Variants in STXBP6 observed in about 807,000 individuals in gnomAD.
STXBP6 encodes the protein syntaxin-binding protein 6.
A neutral mutation model predicts 26.9 loss-of-function variants in STXBP6; 21 were observed. The ratio of observed to expected loss-of-function variants is 0.78; its 90% confidence interval spans 0.55 to 1.12. The LOEUF is 1.12. STXBP6 is among the 50% of genes most tolerant of loss of function. STXBP6 has a pLI of 0.00. For missense variants in STXBP6, 232 were observed against 257.9 expected (o/e 0.90, Z 0.69); for synonymous variants, 97 against 92.6 (o/e 1.05, Z -0.27).
At chr14:25,023,315 A>T (rs1053485562) in intron 1 of STXBP6, among the ~76,000 whole-genome samples, 11 of 152,150 alleles carry the variant, frequency 7.2e-5, no homozygotes, top group Admixed American at 1.3e-4. Context: ...TTTGAAAAAA[A>T]AAAAGCCCGT....
chr14:24,939,248 G>C (rs929991546), intron 2 of STXBP6, among the ~76,000 whole-genome samples: 31 of 152,164 alleles, frequency 2.0e-4, no homozygotes. Context: ...ACAGACCACA[G>C]GGATATATGG....
chr14:24,830,493 G>C (rs1425748228), intron 4 of STXBP6, among the ~76,000 whole-genome samples: 1 of 152,158 alleles, frequency 6.6e-6, no homozygotes, highest in Admixed American at 6.5e-5. Context: ...CAGGCTTCTG[G>C]TTTGAGCAAT....
At chr14:24,951,082 T>C (rs972206514) in intron 2 of STXBP6, among the ~76,000 whole-genome samples, 1 of 152,210 alleles carries the variant, frequency 6.6e-6, no homozygotes, top group Non-Finnish European at 1.5e-5. Flanking sequence ...TCCTTTTTTA[T>C]GGCTGCATAG....
chr14:24,896,199 C>T (rs2139585129), intron 2 of STXBP6, among the ~76,000 whole-genome samples: 1 of 152,210 alleles, frequency 6.6e-6, no homozygotes, highest in East Asian at 1.9e-4. Context: ...GATGTGTGTT[C>T]ACCTGCCAGC....
intron 2 of STXBP6, among the ~76,000 whole-genome samples, chr14:24,886,432 A>G (rs2070591484): frequency 6.6e-6 from 1 of 152,180 alleles, no homozygotes; most frequent in African/African-American, 2.4e-5. Flanking sequence ...ATAAATGATA[A>G]TGCATCTAAT....
intron 4 of STXBP6, among the ~76,000 whole-genome samples, chr14:24,823,283 A>C (rs1346176842): frequency 6.6e-6 from 1 of 152,208 alleles, no homozygotes; most frequent in African/African-American, 2.4e-5. Context: ...CTGAGAACAC[A>C]ATGAAAATAA....
At chr14:24,965,977 A>G (rs1482493418) in intron 2 of STXBP6, among the ~76,000 whole-genome samples, 7 of 152,202 alleles carry the variant, frequency 4.6e-5, no homozygotes, top group African/African-American at 1.7e-4. Context: ...CACATGCCAG[A>G]AGGACAGCTG....
At chr14:25,020,437 T>A (rs943909534) in intron 1 of STXBP6, among the ~76,000 whole-genome samples, 1 of 152,168 alleles carries the variant, frequency 6.6e-6, no homozygotes, top group African/African-American at 2.4e-5. Context: ...GAAAATCTGT[T>A]CTTAACAAAT....
chr14:24,874,528 G>A (rs1451480432), intron 2 of STXBP6, among the ~76,000 whole-genome samples: 1 of 152,070 alleles, frequency 6.6e-6, no homozygotes, highest in East Asian at 1.9e-4. Context: ...GAGAAACACA[G>A]CCAGAATCCA....
At chr14:24,816,446 T>G (rs2067978410) in intron 5 of STXBP6, 1 of 152,038 alleles carries the variant, frequency 6.6e-6, no homozygotes, top group Admixed American at 6.6e-5. Flanking sequence ...CCAGTGCCAG[T>G]GATTCATAGG....
chr14:24,888,256 A>G (rs940438844), intron 2 of STXBP6, among the ~76,000 whole-genome samples: 3 of 152,280 alleles, frequency 2.0e-5, no homozygotes, highest in African/African-American at 7.2e-5. Flanking sequence ...AAGCTATATT[A>G]CAAATGGATA....
chr14:24,960,191 G>C (rs1436882271), intron 2 of STXBP6, among the ~76,000 whole-genome samples: 2 of 152,178 alleles, frequency 1.3e-5, no homozygotes, highest in Non-Finnish European at 2.9e-5. Context: ...AGCAAGGAGT[G>C]GGGGCTGAGA....
intron 4 of STXBP6, among the ~76,000 whole-genome samples, chr14:24,843,838 G>A (rs1171659582): frequency 1.3e-5 from 2 of 152,314 alleles, no homozygotes; most frequent in East Asian, 1.9e-4. Flanking sequence ...CTGGCACAGA[G>A]CTCCTAAAAC....
chr14:24,925,515 C>T (rs572413628), intron 2 of STXBP6, among the ~76,000 whole-genome samples: 11 of 152,246 alleles, frequency 7.2e-5, no homozygotes, highest in South Asian at 6.2e-4. Flanking sequence ...AATTGCAGCA[C>T]GGGGAGGGAG....
intron 2 of STXBP6, among the ~76,000 whole-genome samples, chr14:24,973,379 C>CTTTTT (rs1057437135): frequency 2.2e-4 from 17 of 76,798 alleles, no homozygotes; most frequent in Non-Finnish European, 3.1e-4. Flanking sequence ...AGCTTTCTTC[C>CTTTTT]TTTTTTTTTT....
chr14:24,927,147 A>C (rs181557548), intron 2 of STXBP6, among the ~76,000 whole-genome samples: 1 of 152,314 alleles, frequency 6.6e-6, no homozygotes, highest in Non-Finnish European at 1.5e-5. Flanking sequence ...TATTGCATGG[A>C]GAATTAGGCA....
chr14:24,920,538 G>A (rs529715651), intron 2 of STXBP6, among the ~76,000 whole-genome samples: 1 of 152,130 alleles, frequency 6.6e-6, no homozygotes, highest in Admixed American at 6.6e-5. Flanking sequence ...GGCTGAGTAA[G>A]CGCACATTTC....
At chr14:25,021,623 C>T (rs550368750) in intron 1 of STXBP6, among the ~76,000 whole-genome samples, 131 of 152,264 alleles carry the variant, frequency 8.6e-4, no homozygotes, top group African/African-American at 3.1e-3. Flanking sequence ...ATGGTATTGG[C>T]AATGTTGACC....
intron 1 of STXBP6, among the ~76,000 whole-genome samples, chr14:25,006,538 G>C (rs1204673536): frequency 6.6e-6 from 1 of 152,120 alleles, no homozygotes; most frequent in Non-Finnish European, 1.5e-5. Context: ...TGAAGGAAAG[G>C]GAAGAATCTG....
Sources: gnomAD v4.1 joint callset for allele counts (sites outside exome capture counted in the v4.1 genomes callset) on GRCh38, gnomAD v4.1.1 for gene constraint, MANE v1.5 for transcripts, NCBI Gene and HGNC (gene_info 2026-07-23, HGNC 2026-07-21) for gene names.